Variants in TECRL observed in about 807,000 individuals in gnomAD.
The protein encoded by TECRL is trans-2,3-enoyl-CoA reductase-like.
TECRL carries 63 observed loss-of-function variants against 52.8 expected under a neutral mutation model. The observed-to-expected ratio is 1.19, with a 90% CI of 0.97 to 1.47. The LOEUF (loss-of-function observed/expected upper bound fraction) is 1.47, where lower values mean the gene tolerates loss of function less well. Among genes scored for constraint, TECRL ranks in the 40% most tolerant of loss-of-function variants. The probability of loss-of-function intolerance (pLI) is 0.00; values close to 1 mark genes in which losing one functional copy is unlikely to be tolerated. For synonymous variants in TECRL, 164 were observed against 141.9 expected, an observed-to-expected ratio of 1.16 and a Z score of -1.10; for missense variants, 482 against 429.6, an observed-to-expected ratio of 1.12 and a Z score of -1.08.
intron 9 of TECRL, among the ~76,000 whole-genome samples, chr4:64,285,006 C>A (rs756142580): frequency 6.6e-6 from 1 of 152,002 alleles, no homozygotes; most frequent in Non-Finnish European, 1.5e-5. Context: ...GAACCATATA[C>A]TAGAAAAAGT....
chr4:64,367,111 A>G (rs906456965), intron 2 of TECRL, among the ~76,000 whole-genome samples: 1 of 152,238 alleles, frequency 6.6e-6, no homozygotes, highest in East Asian at 1.9e-4. Flanking sequence ...GGAGGCCATT[A>G]TCATGTGTAA....
intron 8 of TECRL, among the ~76,000 whole-genome samples, chr4:64,295,547 G>T (rs1344348044): frequency 1.3e-5 from 2 of 151,286 alleles, no homozygotes; most frequent in African/African-American, 2.4e-5. Context: ...ATAAAAATAT[G>T]AAAATATAGC....
At chr4:64,358,472 C>A (rs942095780) in intron 2 of TECRL, among the ~76,000 whole-genome samples, 2 of 151,524 alleles carry the variant, frequency 1.3e-5, no homozygotes, top group Non-Finnish European at 3.0e-5. Context: ...TGTGGAAATA[C>A]ATATAGAAAT....
At chr4:64,331,960 T>A (rs1718671669) in intron 2 of TECRL, among the ~76,000 whole-genome samples, 2 of 152,114 alleles carry the variant, frequency 1.3e-5, no homozygotes, top group Admixed American at 6.6e-5. Flanking sequence ...ACATATTCCA[T>A]CTCATCCATC....
intron 1 of TECRL, among the ~76,000 whole-genome samples, chr4:64,404,569 A>G (rs572155603): frequency 6.6e-6 from 1 of 152,112 alleles, no homozygotes; most frequent in African/African-American, 2.4e-5. Flanking sequence ...ATCCATGATT[A>G]GTTATTTTAA....
intron 5 of TECRL, among the ~76,000 whole-genome samples, chr4:64,310,424 G>A (rs950239248): frequency 6.6e-6 from 1 of 152,092 alleles, no homozygotes; most frequent in African/African-American, 2.4e-5. Flanking sequence ...CAGTAATAAT[G>A]TAGTTTTGTG....
chr4:64,303,134 CAA>C (rs1272692195), intron 7 of TECRL, among the ~76,000 whole-genome samples: 1 of 150,918 alleles, frequency 6.6e-6, no homozygotes, highest in East Asian at 1.9e-4. Flanking sequence ...TAATTATAAT[CAA>C]AGTTTTGAAA....
At chr4:64,358,294 A>G (rs1479608727) in intron 2 of TECRL, among the ~76,000 whole-genome samples, 8 of 151,972 alleles carry the variant, frequency 5.3e-5, no homozygotes, top group Non-Finnish European at 1.5e-5. Context: ...GATATGTCAT[A>G]AATGTTTAGG....
At chr4:64,337,779 G>T (rs1048314250) in intron 2 of TECRL, among the ~76,000 whole-genome samples, 3 of 152,116 alleles carry the variant, frequency 2.0e-5, no homozygotes, top group Non-Finnish European at 4.4e-5. Context: ...AATAAAAGAG[G>T]AGAGGGCACA....
At chr4:64,374,377 T>G (rs1331290708) in intron 2 of TECRL, among the ~76,000 whole-genome samples, 5 of 151,752 alleles carry the variant, frequency 3.3e-5, no homozygotes, top group African/African-American at 1.2e-4. Context: ...ATTCATAGAT[T>G]CTTTTTTAAT....
At chr4:64,313,179 C>A (rs576343969) in intron 5 of TECRL, among the ~76,000 whole-genome samples, 1 of 151,978 alleles carries the variant, frequency 6.6e-6, no homozygotes, top group African/African-American at 2.4e-5. Context: ...AAACTTGATT[C>A]GAGGTAAGAA....
At chr4:64,337,739 C>G (rs1719217280) in intron 2 of TECRL, among the ~76,000 whole-genome samples, 1 of 152,112 alleles carries the variant, frequency 6.6e-6, no homozygotes, top group Non-Finnish European at 1.5e-5. Flanking sequence ...AGGACCTCTT[C>G]AAGGAGAACT....
intron 2 of TECRL, among the ~76,000 whole-genome samples, chr4:64,359,417 C>G (rs1241877377): frequency 2.0e-5 from 3 of 151,836 alleles, no homozygotes; most frequent in African/African-American, 7.3e-5. Context: ...AATGATTCTG[C>G]TATAAATAGA....
At chr4:64,276,461 T>C (rs1172392560), downstream of TECRL, 1 of 151,902 alleles carries the variant, frequency 6.6e-6, no homozygotes, top group Non-Finnish European at 1.5e-5. Context: ...TTTTTCTGCA[T>C]TTAAATTTTT....
chr4:64,309,364 T>G (rs935836722), intron 6 of TECRL, among the ~76,000 whole-genome samples: 2 of 152,194 alleles, frequency 1.3e-5, no homozygotes, highest in Non-Finnish European at 2.9e-5. Context: ...TTTTCATGTT[T>G]TGGTAGTTAT....
At chr4:64,322,929 G>T in intron 3 of TECRL, 137 bp from the exon 4 acceptor site, 1 of 658,522 alleles carries the variant, frequency 1.5e-6, no homozygotes, top group Non-Finnish European at 2.5e-6. Flanking sequence ...AATCTTCAAA[G>T]TAAAACAAAA....
intron 2 of TECRL, among the ~76,000 whole-genome samples, chr4:64,334,246 G>A (rs1718884921): frequency 6.6e-6 from 1 of 151,840 alleles, no homozygotes; most frequent in Non-Finnish European, 1.5e-5. Flanking sequence ...TAAAGATATT[G>A]GCTGCTGATT....
At chr4:64,383,577 G>T (rs1722965498) in intron 1 of TECRL, among the ~76,000 whole-genome samples, 1 of 151,330 alleles carries the variant, frequency 6.6e-6, no homozygotes, top group African/African-American at 2.4e-5. Flanking sequence ...AATTAATTGA[G>T]TTCTTCAGTT....
At chr4:64,327,632 T>C (rs139815073) in intron 3 of TECRL, among the ~76,000 whole-genome samples, 1 of 152,072 alleles carries the variant, frequency 6.6e-6, no homozygotes, top group African/African-American at 2.4e-5. Context: ...GTGTGGCTCC[T>C]AGAAATCTTG....
Sources: gnomAD v4.1 joint callset for allele counts (sites outside exome capture counted in the v4.1 genomes callset) on GRCh38, gnomAD v4.1.1 for gene constraint, MANE v1.5 for transcripts, NCBI Gene and HGNC (gene_info 2026-07-23, HGNC 2026-07-21) for gene names.